Variants in CABP1 observed in about 807,000 individuals in gnomAD.
CABP1 encodes calcium-binding protein 1.
A neutral mutation model predicts 34.3 loss-of-function variants in CABP1; 17 were observed. The ratio of observed to expected loss-of-function variants is 0.50; its 90% CI spans 0.34 to 0.74. The LOEUF (loss-of-function observed/expected upper bound fraction) is 0.74. Ranked by LOEUF, CABP1 falls within the 30% of genes least tolerant of loss-of-function variation. CABP1 has a pLI of 0.01. For missense variants in CABP1, 373 were observed against 511.1 expected (o/e 0.73, Z 2.61); for synonymous variants, 198 against 229.2 (o/e 0.86, Z 1.23).
chr12:120,677,276 C>T, the CABP1 span, among the ~76,000 whole-genome samples: 1 of 151,174 alleles, frequency 6.6e-6, no homozygotes, highest in African/African-American at 2.4e-5. Flanking sequence ...TTGGTAGAGA[C>T]AAAGTTTCAC....
At position 120,661,162 on chromosome 12, in the gene CABP1, T is replaced by C. The variant is rs1212475311; in HGVS notation, c.1031T>C (p.Ile344Thr). The part of the protein sequence containing the change: ...LLGHQVGHRD[I>T]EEIIRDVDLN... The stretch of plus-strand genomic sequence containing the variant: ...GGTCATCAGGTGGGACACCGAGACA[T>C]AGAGGAAATTATCCGAGATGTGGAC... The change falls in exon 5 of 6, where the codon ATA becomes ACA. Residue 344 changes from isoleucine to threonine, a missense_variant. Ile to Thr is a moderately conservative substitution (Grantham distance 89). Around this residue, in one of 4 missense-constraint regions of CABP1, gnomAD observed 109 missense variants for 204.8 expected, o/e 0.53. Coordinates refer to ENST00000316803, the MANE Select transcript of CABP1 (RefSeq NM_001033677.2). This position sits in a 1 kb window ranked among gnomAD's most constrained non-coding sequence, Gnocchi z 5.1. 6.2e-7 allele frequency: 1 copy of C among 1,612,056 alleles called. No individual in the cohort carries two copies. Among genetic ancestry groups the C allele is most frequent in the Non-Finnish European group, 8.5e-7 (1 of 1,179,778 alleles).
intron 5 of CABP1, among the ~76,000 whole-genome samples, chr12:120,665,487 T>G (rs1012174123): frequency 6.6e-6 from 1 of 152,078 alleles, no homozygotes; most frequent in East Asian, 1.9e-4. Flanking sequence ...AGGATGCATG[T>G]CATTATACAT....
intron 1 of CABP1, among the ~76,000 whole-genome samples, chr12:120,657,057 C>T (rs573074309): frequency 8.5e-5 from 13 of 152,198 alleles, no homozygotes; most frequent in Non-Finnish European, 1.8e-4. Flanking sequence ...GTAGAACTTT[C>T]TACAGTGATG....
At chr12:120,673,292 A>T in the CABP1 span, among the ~76,000 whole-genome samples, 15 of 152,096 alleles carry the variant, frequency 9.9e-5, no homozygotes, top group Non-Finnish European at 1.3e-4. Flanking sequence ...AATAAAAAAA[A>T]TATCTAAAAA....
downstream of CABP1, among the ~76,000 whole-genome samples, chr12:120,669,304 G>A (rs1417222398): frequency 6.6e-6 from 1 of 152,240 alleles, no homozygotes; most frequent in Non-Finnish European, 1.5e-5. Flanking sequence ...TAAGCCCTTG[G>A]CTCTGTGCCC....
chr12:120,647,068 A>G lies in CABP1; in HGVS notation c.654+5729A>G, dbSNP rs983691513. Among the ~76,000 whole-genome samples the G allele has an allele frequency of 2.6e-5, 4 of 152,198 alleles. No homozygotes were observed. The East Asian group carries it at 7.7e-4, about 29-fold the overall frequency. ...CTCCTGTTTCCAACGACAGAGGCAT[A>G]TCCCAAGGTCGACAAGTGGGTGCTA... On this transcript the variant is annotated intron_variant, in intron 1 of 5. Transcript: ENST00000316803.
At chr12:120,666,850 C>T (rs747115203) in intron 5 of CABP1, 25 bp from the exon 6 acceptor site, 2 of 1,599,512 alleles carry the variant, frequency 1.3e-6, no homozygotes, top group Non-Finnish European at 1.7e-6. Context: ...CTGCTTGCTC[C>T]CCAGCTGCTC....
At chr12:120,676,724 G>A in the CABP1 span, among the ~76,000 whole-genome samples, 2 of 152,248 alleles carry the variant, frequency 1.3e-5, no homozygotes, top group South Asian at 4.1e-4. Context: ...ACCGCACCCG[G>A]TCAGCTTTAT....
chr12:120,660,412 G>A lies in CABP1; in HGVS notation c.829+73G>A, dbSNP rs747919715. On this transcript the variant is annotated intron_variant, in intron 3 of 5. Transcript: ENST00000316803. The surrounding 1 kb of genome is among the most constrained non-coding windows in gnomAD (Gnocchi z 5.0). ...CCGTCCTCTGCAGTCAGACAGGACT[G>A]GCTTCAAATTCTGCATCCACCTCTT... The A allele has an allele frequency of 5.3e-6, 8 of 1,504,046 alleles. No individual in the cohort carries two copies. Among genetic ancestry groups the A allele is most frequent in the Non-Finnish European group, 7.2e-6 (8 of 1,112,206 alleles). The allele number at this position is 1,504,046 out of a possible 1,614,324, so 93.2% of individuals were successfully genotyped here. A position where few individuals can be genotyped will look rare whatever the true frequency, so the allele number is the denominator to read the frequency against.
chr12:120,652,363 CT>C (rs34224330), intron 1 of CABP1, among the ~76,000 whole-genome samples: 37,142 of 147,444 alleles, frequency 0.25, 5,135 homozygotes, highest in African/African-American at 0.38. Context: ...TTAATAATTG[CT>C]TTTTTTTTTT....
chr12:120,663,401 A>G (rs1018362044), intron 5 of CABP1, among the ~76,000 whole-genome samples: 1 of 151,800 alleles, frequency 6.6e-6, no homozygotes, highest in Non-Finnish European at 1.5e-5. Context: ...CAGCCTCCCG[A>G]GTAGCTGGGA....
At chr12:120,665,071 G>T (rs1880883073) in intron 5 of CABP1, among the ~76,000 whole-genome samples, 1 of 151,414 alleles carries the variant, frequency 6.6e-6, no homozygotes, top group Non-Finnish European at 1.5e-5. Context: ...GGTGCAAGGG[G>T]TTGGGGGGAG....
chr12:120,679,644 A>T, the CABP1 span, among the ~76,000 whole-genome samples: 6 of 152,058 alleles, frequency 3.9e-5, no homozygotes, highest in Non-Finnish European at 7.4e-5. Flanking sequence ...TAAGACCAAC[A>T]TGGAGAAACC....
chr12:120,658,508 T>A (rs896683528), intron 1 of CABP1, among the ~76,000 whole-genome samples: 2 of 152,104 alleles, frequency 1.3e-5, no homozygotes, highest in African/African-American at 4.8e-5. Context: ...GCCTGCTCCC[T>A]CCAAGCTCAC....
At position 120,661,282 on chromosome 12, in the gene CABP1, T is replaced by C. The variant is rs538622135; in HGVS notation, c.1087+64T>C. ...AGTGGCCATCCATGGAGCCCTCCAA[T>C]TGTGTATCCATCATGCAACCATCAA... On this transcript the variant is annotated intron_variant, in intron 5 of 5. Coordinates refer to ENST00000316803, the MANE Select transcript of CABP1 (RefSeq NM_001033677.2). The surrounding 1 kb of genome is among the most constrained non-coding windows in gnomAD (Gnocchi z 5.1). 4.0e-5 allele frequency: 62 copies of C among 1,554,468 alleles called. No homozygotes were observed. In the African/African-American group the frequency reaches 5.3e-4, roughly 13 times the overall value.
chr12:120,650,673 C>T, intron 1 of CABP1: 1 of 1,614,094 alleles, frequency 6.2e-7, no homozygotes, highest in Non-Finnish European at 8.5e-7. Flanking sequence ...TGAGAAATCT[C>T]TCAAGGAAGG....
downstream of CABP1, among the ~76,000 whole-genome samples, chr12:120,668,491 C>G (rs757493570): frequency 2.0e-5 from 3 of 152,172 alleles, no homozygotes; most frequent in African/African-American, 7.2e-5. Flanking sequence ...CTGCCATCCT[C>G]TCTGCTGAGT....
chr12:120,642,018 C>A (rs1879355996), intron 1 of CABP1, among the ~76,000 whole-genome samples: 1 of 152,132 alleles, frequency 6.6e-6, no homozygotes, highest in African/African-American at 2.4e-5. Flanking sequence ...GTGGTTCCCT[C>A]AGGCCTTTCC....
chr12:120,640,809 C>A lies in CABP1; in HGVS notation c.124C>A (p.Arg42Ser). Reference protein sequence around the residue: ...SLPAGGPAPRRTAPPPPGHAS... With the variant: ...SLPAGGPAPRSTAPPPPGHAS... Reference sequence around the variant, plus strand: ...GCCCGCCGGGGGCCCCGCGCCGCGCCGCACCGCGCCGCCCCCGCCGGGCCA... The same window carrying A: ...GCCCGCCGGGGGCCCCGCGCCGCGCAGCACCGCGCCGCCCCCGCCGGGCCA... Residue 42 changes from arginine to serine, a missense_variant, in exon 1 of 6, where the codon CGC becomes AGC. Transcript: ENST00000316803. This position sits in a 1 kb window ranked among gnomAD's most constrained non-coding sequence, Gnocchi z 6.2. The A allele has an allele frequency of 9.2e-7, 1 of 1,089,978 alleles. No homozygotes were observed. Among genetic ancestry groups the A allele is most frequent in the South Asian group, 4.3e-5 (1 of 23,120 alleles). 67.5% of individuals were successfully genotyped at this position (1,089,978 alleles called of 1,614,324 possible). A position where few individuals can be genotyped will look rare whatever the true frequency, so the allele number is the denominator to read the frequency against.
Sources: gnomAD v4.1 joint callset for allele counts (sites outside exome capture counted in the v4.1 genomes callset) on GRCh38, gnomAD v4.1.1 for gene constraint, gnomAD v4.1.1 regional missense constraint, Gnocchi (gnomAD v3.1) non-coding constraint, MANE v1.5 for transcripts, NCBI Gene and HGNC (gene_info 2026-07-23, HGNC 2026-07-21) for gene names.